Variants in FCHSD2 observed in about 807,000 individuals in gnomAD.
The protein encoded by FCHSD2 is FCH and double SH3 domains 2, also known as F-BAR and double SH3 domains protein 2.
FCHSD2 carries 38 observed loss-of-function variants against 108.1 expected under a neutral mutation model. The observed-to-expected ratio is 0.35, with a 90% CI of 0.27 to 0.46. FCHSD2 has a LOEUF of 0.46. Ranked by LOEUF, FCHSD2 falls within the 20% of genes least tolerant of loss-of-function variation. The pLI, the probability that FCHSD2 is intolerant of heterozygous loss-of-function variation, is 1.00. For synonymous variants in FCHSD2, 279 were observed against 314.7 expected (o/e 0.89, Z 1.20); for missense variants, 751 against 897.8 (o/e 0.84, Z 2.09).
rs373737720 is a variant in FCHSD2, at chr11:72,842,634, A to G, written c.1913T>C (p.Met638Thr). The G allele has an allele frequency of 3.7e-6, 6 of 1,613,846 alleles. No homozygotes were observed. In the African/African-American group the frequency reaches 8.0e-5, roughly 22 times the overall value. ...SASENGDTPW[M>T]REIQISPSPK... ...CCTCTCAGGTACCTGAATCTCTCTC[A>G]TCCATGGAGTGTCACCATTTTCTGA... The change falls in exon 17 of 20, where the codon ATG becomes ACG. Residue 638 changes from methionine to threonine, a missense_variant. Met to Thr is a moderately conservative substitution (Grantham distance 81). Transcript: ENST00000409418.
chr11:72,974,808 A>T (rs1175569865), intron 8 of FCHSD2, among the ~76,000 whole-genome samples: 1 of 147,398 alleles, frequency 6.8e-6, no homozygotes, highest in Non-Finnish European at 1.5e-5. Context: ...AGAGGGCATT[A>T]AAAAAAAAAG....
chr11:73,064,938 G>T (rs1859255802), intron 3 of FCHSD2, among the ~76,000 whole-genome samples: 1 of 152,128 alleles, frequency 6.6e-6, no homozygotes. Context: ...ACAAAGGGGA[G>T]TTGGTACCAT....
chr11:72,849,308 G>A (rs1423010941), intron 14 of FCHSD2, among the ~76,000 whole-genome samples: 4 of 152,142 alleles, frequency 2.6e-5, no homozygotes, highest in African/African-American at 9.7e-5. Flanking sequence ...ACACAGACAA[G>A]GTACACATAC....
At chr11:72,946,519 C>A (rs940619628) in intron 8 of FCHSD2, among the ~76,000 whole-genome samples, 1 of 152,090 alleles carries the variant, frequency 6.6e-6, no homozygotes, top group Non-Finnish European at 1.5e-5. Context: ...ACGTTGTGCA[C>A]ACGTACCCTA....
chr11:72,964,574 T>C (rs1856869929), intron 8 of FCHSD2, among the ~76,000 whole-genome samples: 1 of 152,164 alleles, frequency 6.6e-6, no homozygotes, highest in African/African-American at 2.4e-5. Flanking sequence ...GCAGAGTTCC[T>C]GACATACAGT....
chr11:72,988,492 A>G (rs1007428984), intron 6 of FCHSD2, among the ~76,000 whole-genome samples: 2 of 152,194 alleles, frequency 1.3e-5, no homozygotes, highest in East Asian at 1.9e-4. Context: ...AAAGAAAAAA[A>G]CAGTGCCTGG....
chr11:72,983,918 C>T, intron 8 of FCHSD2, 170 bp downstream of exon 8: 2 of 703,660 alleles, frequency 2.8e-6, no homozygotes, highest in Non-Finnish European at 5.1e-6. Context: ...AAAATTAATT[C>T]CAAATTATCT....
intron 16 of FCHSD2, 143 bp from the exon 17 acceptor site, chr11:72,842,984 A>G: frequency 1.1e-6 from 1 of 872,166 alleles, no homozygotes; most frequent in Admixed American, 2.7e-5. Flanking sequence ...CTGATGAATG[A>G]TTAACTTTAG....
At chr11:72,885,471 C>T (rs574355590) in intron 12 of FCHSD2, among the ~76,000 whole-genome samples, 2 of 152,222 alleles carry the variant, frequency 1.3e-5, no homozygotes, top group Admixed American at 1.3e-4. Flanking sequence ...GTTTGGCATA[C>T]TATGGAAATA....
Position 73,070,394 on chromosome 11 carries a change from G to A in FCHSD2, c.165+13301C>T, listed in dbSNP as rs191855649. Among the ~76,000 whole-genome samples, 183 of 152,170 alleles carry A rather than the reference G, an allele frequency of 1.2e-3. 3 individuals carry two copies. The highest frequency in any genetic ancestry group is 1.2e-4 in the Non-Finnish European group (8 of 67,974). ...AACCTAGCATCACGCCAGTCGTAAA[G>A]TAGATACTTGATAAATGTCAGGGTT... On this transcript the variant is annotated intron_variant, in intron 3 of 19. Transcript: ENST00000409418.
intron 3 of FCHSD2, among the ~76,000 whole-genome samples, chr11:73,052,941 G>A (rs1014829810): frequency 1.3e-5 from 2 of 152,064 alleles, no homozygotes; most frequent in African/African-American, 4.8e-5. Context: ...CCGCCTCCTA[G>A]GTTCAGGTGA....
In FCHSD2 at chr11:72,889,826, T is replaced by C. The variant is rs1855277398; in HGVS notation, c.1041+3A>G. On this transcript the variant is annotated splice_donor_region_variant and intron_variant, in intron 11 of 19. Coordinates refer to ENST00000409418, the MANE Select transcript of FCHSD2 (RefSeq NM_014824.3). Reference sequence around the variant, plus strand: ...TGTAACTAGGACTTTCTCTTACACTTACCCGTTGTTGGTGAACAATGTTTT... The same window carrying C: ...TGTAACTAGGACTTTCTCTTACACTCACCCGTTGTTGGTGAACAATGTTTT... 1.9e-6 allele frequency: 3 copies of C among 1,565,522 alleles called. No homozygotes were observed. The highest frequency in any genetic ancestry group is 1.7e-5 in the Admixed American group (1 of 59,856).
rs181380863 is a variant in FCHSD2 at position 72,936,750 on chromosome 11, C to A, written c.706-14800G>T. On this transcript the variant is annotated intron_variant, in intron 8 of 19. Coordinates refer to ENST00000409418, the MANE Select transcript of FCHSD2 (RefSeq NM_014824.3). ...ACTTCAGTTATTGTATTTTTAACTC[C>A]AGAATTTATATTTGATTCCTTTTTA... 1.8e-3 allele frequency among the ~76,000 whole-genome samples: 272 copies of A among 152,230 alleles called. 2 individuals carry two copies. The highest frequency in any genetic ancestry group is 3.2e-3 in the Non-Finnish European group (216 of 68,002).
intron 5 of FCHSD2, among the ~76,000 whole-genome samples, chr11:72,993,402 T>C (rs1438112395): frequency 2.0e-5 from 3 of 152,148 alleles, no homozygotes; most frequent in Non-Finnish European, 4.4e-5. Context: ...AGCCATCCCA[T>C]TACTGGGTAT....
At chr11:72,887,839 A>T (rs1356024411) in intron 11 of FCHSD2, among the ~76,000 whole-genome samples, 1 of 152,226 alleles carries the variant, frequency 6.6e-6, no homozygotes, top group African/African-American at 2.4e-5. Context: ...TGCTAAGCTG[A>T]GACCATCCAA....
chr11:73,118,440 T>C (rs1447337066), intron 2 of FCHSD2, among the ~76,000 whole-genome samples: 1 of 152,206 alleles, frequency 6.6e-6, no homozygotes, highest in Non-Finnish European at 1.5e-5. Context: ...TACTGACTTC[T>C]CCACCACCAC....
At position 72,945,780 on chromosome 11, in the gene FCHSD2, A is replaced by C. The variant is rs1856506730; in HGVS notation, c.706-23830T>G. 2.0e-5 allele frequency among the ~76,000 whole-genome samples: 3 copies of C among 152,356 alleles called. No homozygotes were observed. The South Asian group carries it at 6.2e-4, about 32-fold the overall frequency. ...CAAAAGAAGACATTTATGCAGCCAAACGATACATGAAAAAATGCTCATCAT... is the reference window on the plus strand; with the variant it reads ...CAAAAGAAGACATTTATGCAGCCAACCGATACATGAAAAAATGCTCATCAT... On this transcript the variant is annotated intron_variant, in intron 8 of 19. Transcript: ENST00000409418.
rs373522120 is a variant in FCHSD2 at position 73,050,793 on chromosome 11, A to G, written c.165+32902T>C. Among the ~76,000 whole-genome samples the G allele has an allele frequency of 6.6e-5, 10 of 152,340 alleles. No individual in the cohort carries two copies. In the East Asian group the frequency reaches 1.9e-3, roughly 29 times the overall value. The stretch of plus-strand genomic sequence containing the variant: ...ATCTCAAATACAGCAAATGAAAACT[A>G]TAATTAAGTTTTACCAAAGGCCGAG... On this transcript the variant is annotated intron_variant, in intron 3 of 19. Transcript: ENST00000409418.
At chr11:73,132,666 A>C (rs1000691545) in intron 2 of FCHSD2, among the ~76,000 whole-genome samples, 1 of 152,076 alleles carries the variant, frequency 6.6e-6, no homozygotes, top group Non-Finnish European at 1.5e-5. Flanking sequence ...CTACAAAAAA[A>C]TACAAAAATT....
Sources: allele counts gnomAD v4.1 joint callset (sites outside exome capture counted in the v4.1 genomes callset), GRCh38; gene constraint gnomAD v4.1.1; transcripts MANE v1.5; gene names NCBI Gene and HGNC (gene_info 2026-07-23, HGNC 2026-07-21).